Variants in SPECC1 observed in about 807,000 individuals in gnomAD.
The protein encoded by SPECC1 is cytospin-B.
SPECC1 carries 62 observed loss-of-function variants against 104.1 expected under a neutral mutation model. The observed-to-expected ratio is 0.60, with a 90% CI of 0.49 to 0.74. SPECC1 has a LOEUF of 0.74. SPECC1 is among the 30% of genes least tolerant of loss of function. SPECC1 has a pLI of 0.00. For synonymous variants in SPECC1, 513 were observed against 501.6 expected (o/e 1.02, Z -0.30); for missense variants, 1,306 against 1,310.5 (o/e 1.00, Z 0.05).
intron 1 of SPECC1, among the ~76,000 whole-genome samples, chr17:20,076,874 AC>A: frequency 6.6e-6 from 1 of 151,566 alleles, no homozygotes; most frequent in Middle Eastern, 3.4e-3. Flanking sequence ...CGACAGTATC[AC>A]AGGGAAAAAA....
In SPECC1 at chr17:20,178,042, G is replaced by A. The variant is rs910354222; in HGVS notation, c.284-26291G>A. ...TTTTATTTATTTATTTTTGAGGCAG[G>A]GTCTGTCTTGCCCTGTCACCCAGGC... On this transcript the variant is annotated intron_variant, in intron 3 of 14. Coordinates refer to ENST00000395527, the MANE Select transcript of SPECC1 (RefSeq NM_001243439.2). 4.1e-5 allele frequency among the ~76,000 whole-genome samples: 6 copies of A among 146,782 alleles called. No homozygotes were observed. In the East Asian group the frequency reaches 6.2e-4, roughly 15 times the overall value.
chr17:20,252,968 A>G (rs1050950544), intron 9 of SPECC1, among the ~76,000 whole-genome samples: 1 of 151,638 alleles, frequency 6.6e-6, no homozygotes, highest in South Asian at 2.1e-4. Context: ...TGGCTGCACC[A>G]TTGTACATTC....
At chr17:20,203,142 G>A (rs139397058) in intron 3 of SPECC1, among the ~76,000 whole-genome samples, 9 of 152,080 alleles carry the variant, frequency 5.9e-5, no homozygotes, top group East Asian at 5.8e-4. Context: ...ATTCCCTCCC[G>A]TGCCCTTCCT....
chr17:20,081,344 C>T (rs906372103), intron 1 of SPECC1, among the ~76,000 whole-genome samples: 9 of 152,110 alleles, frequency 5.9e-5, no homozygotes, highest in African/African-American at 1.9e-4. Flanking sequence ...ATGAGACAGT[C>T]CCCAGCTGTT....
At chr17:20,022,726 T>G (rs1257066898) in intron 1 of SPECC1, among the ~76,000 whole-genome samples, 2 of 152,216 alleles carry the variant, frequency 1.3e-5, no homozygotes, top group Admixed American at 1.3e-4. Flanking sequence ...CTCATTCTCT[T>G]GACCTCCTGG....
chr17:20,290,951 T>C (rs1383361919), intron 12 of SPECC1, among the ~76,000 whole-genome samples: 1 of 152,212 alleles, frequency 6.6e-6, no homozygotes, highest in Non-Finnish European at 1.5e-5. Context: ...CTGTTTTGTA[T>C]CAGAAATGAT....
chr17:20,246,622 C>T (rs1028973773), intron 8 of SPECC1, among the ~76,000 whole-genome samples: 3 of 152,166 alleles, frequency 2.0e-5, no homozygotes, highest in Non-Finnish European at 4.4e-5. Flanking sequence ...TCACAATTCC[C>T]CTTTAGTCAT....
Position 20,314,148 on chromosome 17 carries a change from T to A in SPECC1, c.*83T>A. The stretch of plus-strand genomic sequence containing the variant: ...CCTGATTACTGTCCACTGACCCTGC[T>A]CTGCCCACCACCCAGCTGCCTAGAC... On this transcript the variant is annotated 3_prime_UTR_variant, in exon 15 of 15. Transcript: ENST00000395527. 1 of 1,182,098 alleles carries A rather than the reference T, an allele frequency of 8.5e-7. No homozygotes were observed. The highest frequency in any genetic ancestry group is 1.2e-6 in the Non-Finnish European group (1 of 810,668). The allele number at this position is 1,182,098 out of a possible 1,614,324, so 73.2% of individuals were successfully genotyped here.
At chr17:20,045,542 G>A (rs1597609373) in intron 1 of SPECC1, among the ~76,000 whole-genome samples, 1 of 152,104 alleles carries the variant, frequency 6.6e-6, no homozygotes, top group Non-Finnish European at 1.5e-5. Flanking sequence ...ATGACATAAG[G>A]TTCTTGTTAT....
chr17:20,296,898 C>T (rs893793510), intron 12 of SPECC1, 63 bp from the exon 13 acceptor site: 6 of 1,425,364 alleles, frequency 4.2e-6, no homozygotes, highest in Non-Finnish European at 5.9e-6. Flanking sequence ...CACAATCTTC[C>T]TCATCTGTGA....
chr17:20,151,230 A>C (rs2031977131), intron 3 of SPECC1, among the ~76,000 whole-genome samples: 1 of 152,098 alleles, frequency 6.6e-6, no homozygotes. Context: ...TGTACTTCAA[A>C]TTTTGAATTT....
intron 3 of SPECC1, among the ~76,000 whole-genome samples, chr17:20,160,844 C>T (rs1273276767): frequency 6.6e-6 from 1 of 152,206 alleles, no homozygotes; most frequent in African/African-American, 2.4e-5. Context: ...GAATTAAGCA[C>T]ATTTTCCCTG....
intron 7 of SPECC1, among the ~76,000 whole-genome samples, chr17:20,240,688 G>A (rs1424012243): frequency 6.6e-6 from 1 of 152,158 alleles, no homozygotes; most frequent in Non-Finnish European, 1.5e-5. Context: ...CATGGTTTAT[G>A]TCATCCACAT....
At chr17:20,209,325 A>C (rs1408660550) in intron 4 of SPECC1, among the ~76,000 whole-genome samples, 1 of 152,182 alleles carries the variant, frequency 6.6e-6, no homozygotes, top group Non-Finnish European at 1.5e-5. Context: ...AAAAGGATAC[A>C]ATAAGCTATT....
rs953519601 is a variant in SPECC1, at chr17:20,154,636, C to T, written c.283+44074C>T. Among the ~76,000 whole-genome samples, 5 of 152,254 alleles carry T rather than the reference C, an allele frequency of 3.3e-5. No individual in the cohort carries two copies. In the East Asian group the frequency reaches 7.7e-4, roughly 24 times the overall value. ...CAAGTGAGACAGAAAGACACTGGAG[C>T]GTTGCAAGTGGGGGTGTGACATGAT... On this transcript the variant is annotated intron_variant, in intron 3 of 14. Transcript: ENST00000395527.
chr17:20,150,832 T>A (rs372885746), intron 3 of SPECC1, among the ~76,000 whole-genome samples: 6 of 152,298 alleles, frequency 3.9e-5, no homozygotes, highest in Admixed American at 2.6e-4. Context: ...CTTTCCTAAT[T>A]CTATATTTCA....
intron 3 of SPECC1, among the ~76,000 whole-genome samples, chr17:20,182,035 C>G (rs1302196932): frequency 1.3e-5 from 2 of 151,898 alleles, no homozygotes; most frequent in African/African-American, 4.8e-5. Flanking sequence ...TCTTTTTAAA[C>G]TTGGCATGTT....
intron 5 of SPECC1, 35 bp downstream of exon 5, chr17:20,227,655 C>T (rs539101766): frequency 2.3e-5 from 37 of 1,592,952 alleles, no homozygotes; most frequent in Non-Finnish European, 2.8e-5. Context: ...TGGCTCACAC[C>T]TATAATCCCA....
Position 20,255,182 on chromosome 17 carries a change from G to A in SPECC1, c.2680+1596G>A, listed in dbSNP as rs550290538. ...TCATGATAGTGACTTCCCAGCAGAA[G>A]GAAATGAAGACCAAAGGCCAGTGTA... On this transcript the variant is annotated intron_variant, in intron 10 of 14. Transcript: ENST00000395527. 2.2e-3 allele frequency among the ~76,000 whole-genome samples: 333 copies of A among 152,276 alleles called. 2 individuals are homozygous for A. The highest frequency in any genetic ancestry group is 2.9e-3 in the South Asian group (14 of 4,818).
Sources: allele counts gnomAD v4.1 joint callset (sites outside exome capture counted in the v4.1 genomes callset), GRCh38; gene constraint gnomAD v4.1.1; transcripts MANE v1.5; gene names NCBI Gene and HGNC (gene_info 2026-07-23, HGNC 2026-07-21).